Variants in TBX18 observed in about 807,000 individuals in gnomAD.
TBX18 encodes T-box transcription factor TBX18.
A neutral mutation model predicts 55.0 loss-of-function variants in TBX18; 21 were observed. That is an observed-to-expected ratio of 0.38 (90% CI 0.27 to 0.55). TBX18 has a LOEUF of 0.55. TBX18 is among the 20% of genes least tolerant of loss of function. TBX18 has a pLI of 0.73. For missense variants in TBX18, 840 were observed against 799.6 expected, an observed-to-expected ratio of 1.05 and a Z score of -0.61; for synonymous variants, 342 against 326.1, an observed-to-expected ratio of 1.05 and a Z score of -0.53.
intron 5 of TBX18, 85 bp downstream of exon 5, chr6:84,747,832 CATA>C: frequency 1.6e-6 from 2 of 1,234,598 alleles, no homozygotes; most frequent in Non-Finnish European, 2.3e-6. Flanking sequence ...CTTTATAATT[CATA>C]ATATTTAGAG....
In TBX18 at chr6:84,736,427, G is replaced by T; in HGVS notation, c.*258C>A. ...CTTTGCTTAAACATACTACACGCAT[G>T]CCAATACTCCGTGCAACTGGATGAA... On this transcript the variant is annotated 3_prime_UTR_variant, in exon 8 of 8. Transcript: ENST00000369663. 3.3e-6 allele frequency: 1 copy of T among 304,018 alleles called. No homozygotes were observed. The highest frequency in any genetic ancestry group is 5.9e-6 in the Non-Finnish European group (1 of 169,252). The allele number at this position is 304,018 out of a possible 1,614,324, so 18.8% of individuals were successfully genotyped here.
chr6:84,757,685 T>A (rs1767530002), intron 3 of TBX18, among the ~76,000 whole-genome samples: 2 of 152,018 alleles, frequency 1.3e-5, no homozygotes, highest in South Asian at 4.1e-4. Context: ...GACAAATATA[T>A]TGACTCAGTA....
rs547118810 is a variant in TBX18, at chr6:84,740,001, A to T, written c.1005-1410T>A. Among the ~76,000 whole-genome samples, 5 of 152,312 alleles carry T rather than the reference A, an allele frequency of 3.3e-5. No homozygotes were observed. In the East Asian group the frequency reaches 7.7e-4, roughly 23 times the overall value. The stretch of plus-strand genomic sequence containing the variant: ...ATGCATGTGTGGAGGGGTGGTGTGT[A>T]TACATGCACAGGCTTGCATGCACAA... On this transcript the variant is annotated intron_variant, in intron 6 of 7. Transcript: ENST00000369663.
chr6:84,763,574 C>T (rs1280287543), intron 1 of TBX18: 1 of 616,574 alleles, frequency 1.6e-6, no homozygotes, highest in Non-Finnish European at 3.0e-6. Flanking sequence ...AAAAAGAGCA[C>T]CCATTGGCTG....
At chr6:84,755,710 G>A (rs1767469056) in intron 4 of TBX18, among the ~76,000 whole-genome samples, 1 of 152,136 alleles carries the variant, frequency 6.6e-6, no homozygotes, top group South Asian at 2.1e-4. Context: ...CTTACTAGTT[G>A]CATCTTAAAA....
At chr6:84,756,250 G>A (rs980140760) in intron 4 of TBX18, among the ~76,000 whole-genome samples, 2 of 152,146 alleles carry the variant, frequency 1.3e-5, no homozygotes, top group East Asian at 1.9e-4. Flanking sequence ...AAAACAACTG[G>A]GAACTTGCAG....
At chr6:84,744,442 C>T in intron 5 of TBX18, 117 bp from the exon 6 acceptor site, 1 of 728,182 alleles carries the variant, frequency 1.4e-6, no homozygotes, top group East Asian at 2.8e-5. Context: ...TTGTATAAGC[C>T]TCTTTTATTC....
At chr6:84,740,414 T>G (rs1191253033) in intron 6 of TBX18, among the ~76,000 whole-genome samples, 1 of 152,234 alleles carries the variant, frequency 6.6e-6, no homozygotes, top group East Asian at 1.9e-4. Flanking sequence ...TCTGAAACCC[T>G]TATTAATCCT....
chr6:84,751,565 T>C (rs1473604783), intron 4 of TBX18, among the ~76,000 whole-genome samples: 2 of 152,228 alleles, frequency 1.3e-5, no homozygotes, highest in African/African-American at 4.8e-5. Context: ...TTATGTGCTT[T>C]TTAATGTCTC....
At chr6:84,756,659 G>A (rs781196176) in intron 4 of TBX18, 39 bp downstream of exon 4, 3 of 1,592,078 alleles carry the variant, frequency 1.9e-6, no homozygotes, top group East Asian at 2.2e-5. Context: ...AGATGTGGCT[G>A]TGCCATCTAC....
intron 6 of TBX18, among the ~76,000 whole-genome samples, chr6:84,743,961 A>G (rs1037265977): frequency 6.6e-6 from 1 of 152,198 alleles, no homozygotes; most frequent in African/African-American, 2.4e-5. Context: ...ATATTTAATT[A>G]GGATACTGAA....
chr6:84,733,793 A>G lies in TBX18; in HGVS notation c.*2892T>C, dbSNP rs1773866956. 6.6e-6 allele frequency: 1 copy of G among 152,194 alleles called. No individual in the cohort carries two copies. Among genetic ancestry groups the G allele is most frequent in the Non-Finnish European group, 1.5e-5 (1 of 68,040 alleles). The allele number at this position is 152,194 out of a possible 1,614,324, so 9.4% of individuals were successfully genotyped here. A position where few individuals can be genotyped will look rare whatever the true frequency, so the allele number is the denominator to read the frequency against. On this transcript the variant is annotated 3_prime_UTR_variant, in exon 8 of 8. Coordinates refer to ENST00000369663, the MANE Select transcript of TBX18 (RefSeq NM_001080508.3). ...GATTAAGTCTGGAGGGGTAATGAAG[A>G]GCTATTTACATTTTAAAAGTGAGAT... is the stretch of plus-strand genomic sequence containing the variant.
rs531585064 is a variant in TBX18, at chr6:84,760,417, C to T, written c.498-61G>A. 4.5e-6 allele frequency: 5 copies of T among 1,114,394 alleles called. No homozygotes were observed. The Admixed American group carries it at 7.4e-5, about 17-fold the overall frequency. 69.0% of individuals were successfully genotyped at this position (1,114,394 alleles called of 1,614,324 possible). On this transcript the variant is annotated intron_variant, in intron 2 of 7. Transcript: ENST00000369663. ...TTTTTGTTTGTGACTAAGGATGGAG[C>T]GTGAATAAGCAAAGAAACCTCTTGG...
chr6:84,742,851 G>A (rs1377950852), intron 6 of TBX18, among the ~76,000 whole-genome samples: 2 of 152,066 alleles, frequency 1.3e-5, no homozygotes, highest in African/African-American at 2.4e-5. Context: ...CAAAGCATTC[G>A]CCAAGGTAGA....
At chr6:84,746,994 C>T (rs1332986560) in intron 5 of TBX18, among the ~76,000 whole-genome samples, 2 of 151,950 alleles carry the variant, frequency 1.3e-5, no homozygotes, top group African/African-American at 2.4e-5. Flanking sequence ...ATACTGATGT[C>T]TCCATACGGA....
At chr6:84,749,783 T>C (rs1767293829) in intron 4 of TBX18, among the ~76,000 whole-genome samples, 1 of 152,026 alleles carries the variant, frequency 6.6e-6, no homozygotes, top group South Asian at 2.1e-4. Flanking sequence ...CAACCAGAAA[T>C]TTTTTAAATA....
Position 84,737,340 on chromosome 6 carries a change from A to G in TBX18, c.1169T>C (p.Leu390Ser). 1 of 1,583,052 alleles carries G rather than the reference A, an allele frequency of 6.3e-7. No homozygotes were observed. The highest frequency in any genetic ancestry group is 8.6e-7 in the Non-Finnish European group (1 of 1,165,284). ...NGVPATHPHL[L>S]SGSSCSSPAF... ...AGGAGAGGAGCAAGAGGAGCCAGAC[A>G]AAAGGTGAGGGTGAGTGGCAGGAAC... The change falls in exon 8 of 8, where the codon TTG (leucine) becomes TCG (serine). Residue 390 changes from leucine (L) to serine (S), a missense_variant. Coordinates refer to ENST00000369663, the MANE Select transcript of TBX18 (RefSeq NM_001080508.3).
chr6:84,764,210 C>T lies in TBX18; in HGVS notation c.-29G>A, dbSNP rs776742886. ...CCCCGCCCCGCGCCCGCCCGCCCCT[C>T]TCTCATATACACTCACGCGGGCACA... On this transcript the variant is annotated 5_prime_UTR_variant, in exon 1 of 8. Transcript: ENST00000369663. 5 of 1,423,254 alleles carry T rather than the reference C, an allele frequency of 3.5e-6. No homozygotes were observed. The East Asian group carries it at 1.4e-4, about 39-fold the overall frequency. 88.2% of individuals were successfully genotyped at this position (1,423,254 alleles called of 1,614,324 possible).
rs770880160 is a variant in TBX18 at position 84,762,660 on chromosome 6, G to A, written c.381C>T (p.Ala127=). 1 of 1,610,836 alleles carries A rather than the reference G, an allele frequency of 6.2e-7. No individual in the cohort carries two copies. Among genetic ancestry groups the A allele is most frequent in the Non-Finnish European group, 8.5e-7 (1 of 1,178,730 alleles). The change falls in exon 2 of 8, where the codon GCC becomes GCT. Residue 127 remains alanine (A), a synonymous_variant. Transcript: ENST00000369663. ...GCGAGGGCAGAGGGGTCCCGGGCCG[G>A]GCCAGGGAGCGCGCCGGAGACCCCT... is the stretch of plus-strand genomic sequence containing the variant. The part of the protein sequence containing the change: ...SPKGSPARSL[A]RPGTPLPSPQ...
Sources: allele counts gnomAD v4.1 joint callset (sites outside exome capture counted in the v4.1 genomes callset), GRCh38; gene constraint gnomAD v4.1.1; transcripts MANE v1.5; gene names NCBI Gene and HGNC (gene_info 2026-07-23, HGNC 2026-07-21).